The following PCDHA4 variants were observed in gnomAD, a reference collection of about 807,000 sequenced individuals.
The protein encoded by PCDHA4 is protocadherin alpha-4.
In PCDHA4, 49 loss-of-function variants were observed where a neutral mutation model predicts 61.4. The observed-to-expected ratio is 0.80, with a 90% CI of 0.63 to 1.01. PCDHA4 has a LOEUF of 1.01. Among genes scored for constraint, PCDHA4 ranks in the 50% least tolerant of loss-of-function variants. The pLI is 0.00. For synonymous variants in PCDHA4, 590 were observed against 550.3 expected, an observed-to-expected ratio of 1.07 and a Z score of -1.01; for missense variants, 1,254 against 1,235.8, an observed-to-expected ratio of 1.01 and a Z score of -0.22.
rs1160932490 is a variant in PCDHA4 at position 140,857,948 on chromosome 5, C to A, written c.2385+48376C>A. 4.4e-6 allele frequency: 7 copies of A among 1,597,438 alleles called. 1 individual carries two copies. Among genetic ancestry groups the A allele is most frequent in the Non-Finnish European group, 6.0e-6 (7 of 1,167,420 alleles). On this transcript the variant is annotated intron_variant, in intron 1 of 3. Transcript: ENST00000530339. ...GTACACGGGCGAGATCAGTACGACG[C>A]GCGCTCTGGATGAGACTGACTCGCC...
intron 1 of PCDHA4, chr5:140,823,602 G>A (rs1554129473): frequency 1.9e-6 from 3 of 1,613,916 alleles, no homozygotes; most frequent in Admixed American, 1.7e-5. Flanking sequence ...TTTCGTATGA[G>A]CTGCAGCCAG....
intron 1 of PCDHA4, among the ~76,000 whole-genome samples, chr5:140,914,069 A>G (rs1042316751): frequency 2.8e-4 from 43 of 152,216 alleles, no homozygotes; most frequent in Non-Finnish European, 5.6e-4. Context: ...GAAATGCTCC[A>G]TAACTATCTA....
At chr5:141,005,689 G>A (rs980293858) in intron 3 of PCDHA4, among the ~76,000 whole-genome samples, 12 of 95,950 alleles carry the variant, frequency 1.3e-4, no homozygotes, top group African/African-American at 4.3e-4. Context: ...GCGACAGAGC[G>A]AAACTCCGTC....
intron 1 of PCDHA4, chr5:140,969,335 A>G (rs782267073): frequency 1.2e-6 from 2 of 1,614,012 alleles, no homozygotes; most frequent in Admixed American, 3.3e-5. Context: ...AAATGAGGTG[A>G]GACAGTGGTC....
At chr5:140,892,980 G>A (rs568292110) in intron 1 of PCDHA4, among the ~76,000 whole-genome samples, 4 of 152,030 alleles carry the variant, frequency 2.6e-5, no homozygotes, top group Admixed American at 6.6e-5. Context: ...TGTAGCTGCC[G>A]TATAAGTGAG....
chr5:141,003,685 A>G (rs782131958), intron 3 of PCDHA4, among the ~76,000 whole-genome samples: 12 of 152,198 alleles, frequency 7.9e-5, no homozygotes, highest in Non-Finnish European at 1.2e-4. Flanking sequence ...TCTGATTTTA[A>G]AATATATCCC....
intron 1 of PCDHA4, chr5:140,848,382 ACTCT>A (rs1581148542): frequency 1.7e-6 from 2 of 1,188,866 alleles, no homozygotes; most frequent in Non-Finnish European, 2.4e-6. Flanking sequence ...ATTCTTTTTC[ACTCT>A]CTCTGTGCTG....
rs1563650230 is a variant in PCDHA4, at chr5:141,000,393, C to CTA, written c.2534-9233_2534-9232insAT. Among the ~76,000 whole-genome samples, 150 of 52,842 alleles carry CTA rather than the reference C, an allele frequency of 2.8e-3. 1 individual carries two copies. The highest frequency in any genetic ancestry group is 4.0e-3 in the Non-Finnish European group (125 of 31,360). 34.7% of individuals were successfully genotyped at this position (52,842 alleles called of 152,430 possible). A position where few individuals can be genotyped will look rare whatever the true frequency, so the allele number is the denominator to read the frequency against. On this transcript the variant is annotated intron_variant, in intron 3 of 3. Coordinates refer to ENST00000530339, the MANE Select transcript of PCDHA4 (RefSeq NM_018907.4). ...TCTCTCTCTCTCTCTCTCTCTCTCT[C>CTA]TCTATATATATATATATATATATAT... is the stretch of plus-strand genomic sequence containing the variant.
At chr5:140,918,232 A>G (rs2078581718) in intron 1 of PCDHA4, among the ~76,000 whole-genome samples, 1 of 152,166 alleles carries the variant, frequency 6.6e-6, no homozygotes, top group African/African-American at 2.4e-5. Flanking sequence ...ATTTTTGTAC[A>G]TTGATTTTGT....
At chr5:140,809,746 C>A in intron 1 of PCDHA4, 174 bp downstream of exon 1, 2 of 665,558 alleles carry the variant, frequency 3.0e-6, no homozygotes, top group Non-Finnish European at 4.9e-6. Flanking sequence ...TATATATTGC[C>A]TTCCTTCATT....
rs782496896 is a variant in PCDHA4, at chr5:140,809,406, T to G, written c.2219T>G (p.Val740Gly). 6.2e-7 allele frequency: 1 copy of G among 1,614,160 alleles called. No homozygotes were observed. The highest frequency in any genetic ancestry group is 2.2e-5 in the East Asian group (1 of 44,872). Reference protein sequence around the residue: ...GACAPGKPTLVCSSAVGSWSY... With the variant: ...GACAPGKPTLGCSSAVGSWSY... Reference sequence around the variant, plus strand: ...TGCGCTCCGGGCAAGCCCACGCTGGTGTGCTCCAGTGCGGTGGGGAGCTGG... The same window carrying G: ...TGCGCTCCGGGCAAGCCCACGCTGGGGTGCTCCAGTGCGGTGGGGAGCTGG... The change falls in exon 1 of 4, where the codon GTG becomes GGG. Residue 740 changes from valine (V) to glycine (G), a missense_variant. Val to Gly is a moderately radical substitution (Grantham distance 109). Transcript: ENST00000530339.
At chr5:140,862,065 G>T (rs2047192939) in intron 1 of PCDHA4, 1 of 155,768 alleles carries the variant, frequency 6.4e-6, no homozygotes, top group African/African-American at 2.4e-5. Flanking sequence ...TGCAACTGAT[G>T]TCTCCCCTAA....
intron 1 of PCDHA4, chr5:140,870,414 G>T: frequency 6.2e-7 from 1 of 1,614,230 alleles, no homozygotes; most frequent in Non-Finnish European, 8.5e-7. Context: ...TGTGGGCCAC[G>T]GCCAGGGTAT....
At position 140,828,154 on chromosome 5, in the gene PCDHA4, C is replaced by T. The variant is rs2150151490; in HGVS notation, c.2385+18582C>T. 28 of 1,614,164 alleles carry T rather than the reference C, an allele frequency of 1.7e-5. No homozygotes were observed. The Admixed American group carries it at 2.5e-4, about 14-fold the overall frequency. On this transcript the variant is annotated intron_variant, in intron 1 of 3. Coordinates refer to ENST00000530339, the MANE Select transcript of PCDHA4 (RefSeq NM_018907.4). The stretch of plus-strand genomic sequence containing the variant: ...GTCTGCTCCTCCCGCTTCTGCTCCT[C>T]GCAGCCTGGAAGGTGGGGAGCGGCC...
chr5:140,928,974 A>G (rs772759035), intron 1 of PCDHA4: 2 of 1,613,574 alleles, frequency 1.2e-6, no homozygotes, highest in Non-Finnish European at 1.7e-6. Flanking sequence ...TTTCCTTTTT[A>G]TTTCTGGGGT....
chr5:140,959,835 C>T (rs1554224346), intron 1 of PCDHA4, among the ~76,000 whole-genome samples: 2 of 152,042 alleles, frequency 1.3e-5, no homozygotes, highest in East Asian at 1.9e-4. Flanking sequence ...ATGTATTATG[C>T]CTGTAACTGC....
rs1231696084 is a variant in PCDHA4 at position 140,858,276 on chromosome 5, T to C, written c.2385+48704T>C. The C allele has an allele frequency of 3.1e-6, 5 of 1,594,740 alleles. No individual in the cohort carries two copies. The highest frequency in any genetic ancestry group is 4.3e-6 in the Non-Finnish European group (5 of 1,166,444). On this transcript the variant is annotated intron_variant, in intron 1 of 3. Coordinates refer to ENST00000530339, the MANE Select transcript of PCDHA4 (RefSeq NM_018907.4). ...CCCACGCTGGTGTGCTCTAGCGCGGTGGGGAGCTGGTCTTACTCGCAGCAG... is the reference window on the plus strand; with the variant it reads ...CCCACGCTGGTGTGCTCTAGCGCGGCGGGGAGCTGGTCTTACTCGCAGCAG...
intron 1 of PCDHA4, chr5:140,882,791 A>G (rs1554175610): frequency 6.2e-7 from 1 of 1,614,254 alleles, no homozygotes; most frequent in South Asian, 1.1e-5. Context: ...ACTGGATCCC[A>G]ACGATTATTT....
At chr5:140,907,341 G>A (rs376587538) in intron 1 of PCDHA4, among the ~76,000 whole-genome samples, 1 of 152,326 alleles carries the variant, frequency 6.6e-6, no homozygotes, top group South Asian at 2.1e-4. Context: ...ATATGCATGA[G>A]CCCGCTGCTG....
Sources: allele counts gnomAD v4.1 joint callset (sites outside exome capture counted in the v4.1 genomes callset), GRCh38; gene constraint gnomAD v4.1.1; transcripts MANE v1.5; gene names NCBI Gene and HGNC (gene_info 2026-07-23, HGNC 2026-07-21).